STXBP6: variants seen among roughly 807,000 people sequenced by gnomAD.
STXBP6 encodes syntaxin binding protein 6, also known as syntaxin-binding protein 6.
STXBP6 carries 21 observed loss-of-function variants against 26.9 expected under a neutral mutation model. The ratio of observed to expected loss-of-function variants is 0.78; its 90% CI spans 0.55 to 1.12. The LOEUF (loss-of-function observed/expected upper bound fraction) is 1.12. Among genes scored for constraint, STXBP6 ranks in the 50% most tolerant of loss-of-function variants. The pLI is 0.00. For synonymous variants in STXBP6, 97 were observed against 92.6 expected (o/e 1.05, Z -0.27); for missense variants, 232 against 257.9 (o/e 0.90, Z 0.69).
chr14:25,021,758 A>T (rs2140427059), intron 1 of STXBP6, among the ~76,000 whole-genome samples: 1 of 152,276 alleles, frequency 6.6e-6, no homozygotes, highest in East Asian at 1.9e-4. Flanking sequence ...AAGCTTCTCA[A>T]AGCTTGAACC....
chr14:25,046,839 A>C (rs1340286076), intron 1 of STXBP6, among the ~76,000 whole-genome samples: 1 of 152,200 alleles, frequency 6.6e-6, no homozygotes, highest in Non-Finnish European at 1.5e-5. Flanking sequence ...GCTAGGTTAC[A>C]CAGGACACCA....
In STXBP6 at chr14:24,928,103, T is replaced by A. The variant is rs1487367908; in HGVS notation, c.154+46562A>T. Among the ~76,000 whole-genome samples the A allele has an allele frequency of 4.6e-5, 7 of 152,276 alleles. No individual in the cohort carries two copies. The East Asian group carries it at 1.4e-3, about 29-fold the overall frequency. On this transcript the variant is annotated intron_variant, in intron 2 of 5. Coordinates refer to ENST00000323944, the MANE Select transcript of STXBP6 (RefSeq NM_001394410.1). ...TTCGGAATTTAGAATAATAAATCCC[T>A]CGTTAGATTGATCTGTCAGCACCCT... is the stretch of plus-strand genomic sequence containing the variant.
intron 2 of STXBP6, among the ~76,000 whole-genome samples, chr14:24,915,328 C>T (rs1384914938): frequency 6.6e-6 from 1 of 152,110 alleles, no homozygotes; most frequent in Non-Finnish European, 1.5e-5. Flanking sequence ...AACAGATGGT[C>T]TGCTGAGTTA....
intron 1 of STXBP6, among the ~76,000 whole-genome samples, chr14:25,024,994 T>C (rs1290067170): frequency 1.3e-5 from 2 of 152,216 alleles, no homozygotes; most frequent in Non-Finnish European, 2.9e-5. Flanking sequence ...TACCTAATTA[T>C]TGCACAAACT....
intron 2 of STXBP6, among the ~76,000 whole-genome samples, chr14:24,915,306 G>C (rs1480382834): frequency 1.3e-5 from 2 of 152,118 alleles, no homozygotes. Context: ...AGTTTTTCAA[G>C]AGCCATAGTC....
chr14:24,832,377 T>C (rs1160171402), intron 4 of STXBP6, among the ~76,000 whole-genome samples: 1 of 152,208 alleles, frequency 6.6e-6, no homozygotes, highest in Non-Finnish European at 1.5e-5. Context: ...GAATGTGAAA[T>C]TGAGAACCTC....
chr14:24,823,313 T>A (rs1214454207), intron 4 of STXBP6, among the ~76,000 whole-genome samples: 2 of 151,560 alleles, frequency 1.3e-5, no homozygotes, highest in Non-Finnish European at 2.9e-5. Context: ...TAGAGAAAAA[T>A]GAGAAAAAAG....
intron 4 of STXBP6, among the ~76,000 whole-genome samples, chr14:24,836,531 A>G (rs990247990): frequency 7.1e-6 from 1 of 140,972 alleles, no homozygotes; most frequent in Admixed American, 8.1e-5. Flanking sequence ...CCCAGGGGGC[A>G]GAGGTTTCAG....
At chr14:25,038,837 A>T (rs948662395) in intron 1 of STXBP6, among the ~76,000 whole-genome samples, 2 of 152,196 alleles carry the variant, frequency 1.3e-5, no homozygotes, top group African/African-American at 2.4e-5. Context: ...AAAAGAAAAA[A>T]AAATAATGGT....
chr14:24,897,187 G>A (rs1469912519), intron 2 of STXBP6, among the ~76,000 whole-genome samples: 2 of 151,988 alleles, frequency 1.3e-5, no homozygotes, highest in African/African-American at 4.8e-5. Flanking sequence ...GAGGCAGGCA[G>A]ATCACGAGGT....
At chr14:24,930,179 G>A (rs1957763) in intron 2 of STXBP6, among the ~76,000 whole-genome samples, 79,133 of 152,092 alleles carry the variant, frequency 0.52, 20,881 homozygotes, top group South Asian at 0.59. Context: ...TCATCCCACC[G>A]TTCTGCAGAG....
chr14:24,900,170 TA>T (rs2071162390), intron 2 of STXBP6, among the ~76,000 whole-genome samples: 1 of 152,250 alleles, frequency 6.6e-6, no homozygotes, highest in Admixed American at 6.5e-5. Flanking sequence ...GAACCTATAC[TA>T]AGAGAAAGGC....
At chr14:24,817,226 A>AACAGGGCTT in intron 5 of STXBP6, 1 of 152,318 alleles carries the variant, frequency 6.6e-6, no homozygotes, top group African/African-American at 2.4e-5. Flanking sequence ...AAACAGGGCT[A>AACAGGGCTT]CCAGGGCCAA....
chr14:24,968,077 T>C (rs984343123), intron 2 of STXBP6, among the ~76,000 whole-genome samples: 2 of 151,734 alleles, frequency 1.3e-5, no homozygotes, highest in Admixed American at 1.3e-4. Context: ...TGGAATTAAA[T>C]AATATAATAT....
intron 5 of STXBP6, 92 bp from the exon 6 acceptor site, chr14:24,812,824 T>G: frequency 8.0e-7 from 1 of 1,245,524 alleles, no homozygotes; most frequent in Non-Finnish European, 1.2e-6. Context: ...ACCTCCACAA[T>G]GAGAAGCAGC....
intron 1 of STXBP6, among the ~76,000 whole-genome samples, chr14:25,027,457 G>C (rs1169753580): frequency 6.6e-6 from 1 of 152,052 alleles, no homozygotes; most frequent in East Asian, 1.9e-4. Flanking sequence ...ACGTATTCTG[G>C]CTGCTCCACC....
chr14:24,974,830 T>A lies in STXBP6; in HGVS notation c.-12A>T, dbSNP rs1256932690. ...GATTTGGCACTCATTGTAGAACAAGTGAGGACAGCACGCAGTGAATCTTTT... is the reference window on the plus strand; with the variant it reads ...GATTTGGCACTCATTGTAGAACAAGAGAGGACAGCACGCAGTGAATCTTTT... On this transcript the variant is annotated 5_prime_UTR_variant, in exon 2 of 6. Transcript: ENST00000323944. The A allele has an allele frequency of 1.3e-6, 2 of 1,598,072 alleles. No homozygotes were observed. Among genetic ancestry groups the A allele is most frequent in the Admixed American group, 1.7e-5 (1 of 58,916 alleles).
chr14:24,934,313 G>C (rs532386061), intron 2 of STXBP6, among the ~76,000 whole-genome samples: 1 of 152,242 alleles, frequency 6.6e-6, no homozygotes, highest in East Asian at 1.9e-4. Flanking sequence ...TTTACAGAAG[G>C]GGAAAATAAA....
At chr14:25,036,660 C>G (rs2075558079) in intron 1 of STXBP6, among the ~76,000 whole-genome samples, 1 of 152,174 alleles carries the variant, frequency 6.6e-6, no homozygotes, top group Admixed American at 6.5e-5. Context: ...CGAGACCATC[C>G]TGGCTAACAG....
Sources: gnomAD v4.1 joint callset for allele counts (sites outside exome capture counted in the v4.1 genomes callset) on GRCh38, gnomAD v4.1.1 for gene constraint, MANE v1.5 for transcripts, NCBI Gene and HGNC (gene_info 2026-07-23, HGNC 2026-07-21) for gene names.